Variants in EFHD1 observed in about 807,000 individuals in gnomAD.
EFHD1 encodes the protein EF-hand domain family member D1.
EFHD1 carries 10 observed loss-of-function variants against 17.2 expected under a neutral mutation model. That is an observed-to-expected ratio of 0.58 (90% CI 0.36 to 0.99). EFHD1 has a LOEUF of 0.99. EFHD1 is among the 50% of genes least tolerant of loss of function. The probability of loss-of-function intolerance (pLI) is 0.01; values close to 1 mark genes in which losing one functional copy is unlikely to be tolerated. For synonymous variants in EFHD1, 153 were observed against 142.0 expected (o/e 1.08, Z -0.55); for missense variants, 310 against 327.5 (o/e 0.95, Z 0.41).
At chr2:232,606,463 G>A in intron 1 of EFHD1, 1 of 549,716 alleles carries the variant, frequency 1.8e-6, no homozygotes, top group East Asian at 2.9e-5. Flanking sequence ...GTCCTCCCCT[G>A]GAATGTCAGT....
At chr2:232,624,718 G>A (rs956200580) in intron 1 of EFHD1, among the ~76,000 whole-genome samples, 2 of 152,224 alleles carry the variant, frequency 1.3e-5, no homozygotes, top group African/African-American at 4.8e-5. Context: ...AGACATCCCT[G>A]GAGGAAAGGT....
At chr2:232,655,044 A>C (rs995029776) in intron 1 of EFHD1, among the ~76,000 whole-genome samples, 15 of 152,104 alleles carry the variant, frequency 9.9e-5, no homozygotes, top group African/African-American at 3.6e-4. Flanking sequence ...TCATGTCCCA[A>C]ATGATTGGCG....
At chr2:232,618,750 G>A (rs1013512064) in intron 1 of EFHD1, among the ~76,000 whole-genome samples, 1 of 147,794 alleles carries the variant, frequency 6.8e-6, no homozygotes, top group African/African-American at 2.5e-5. Flanking sequence ...TTGAAAAAAG[G>A]GAAATACATG....
At chr2:232,638,992 C>T (rs765826668) in intron 1 of EFHD1, among the ~76,000 whole-genome samples, 6 of 152,190 alleles carry the variant, frequency 3.9e-5, no homozygotes, top group Non-Finnish European at 8.8e-5. Context: ...TGCCTTGGAA[C>T]TGTGTCTTAG....
chr2:232,642,862 G>A (rs1173889957), intron 1 of EFHD1, among the ~76,000 whole-genome samples: 1 of 152,112 alleles, frequency 6.6e-6, no homozygotes, highest in African/African-American at 2.4e-5. Context: ...TGTGAGAGAC[G>A]ATCTATGCTG....
rs1478685124 is a variant in EFHD1 at position 232,627,050 on chromosome 2, A to C, written c.14+20877A>C. On this transcript the variant is annotated intron_variant, in intron 1 of 3. Coordinates refer to the EFHD1 transcript ENST00000409613. ...TCTCTCTCTCTCTATATATATATAT[A>C]TATATATATATATATTTTTTTTTTT... is the stretch of plus-strand genomic sequence containing the variant. Among the ~76,000 whole-genome samples, 539 of 101,690 alleles carry C rather than the reference A, an allele frequency of 5.3e-3. 7 individuals are homozygous for C. The East Asian group carries it at 0.056, about 11-fold the overall frequency. The allele number at this position is 101,690 out of a possible 152,430, so 66.7% of individuals were successfully genotyped here.
chr2:232,639,800 T>A (rs1437906478), intron 1 of EFHD1, among the ~76,000 whole-genome samples: 1 of 152,180 alleles, frequency 6.6e-6, no homozygotes, highest in African/African-American at 2.4e-5. Flanking sequence ...GGCACTGACA[T>A]CTGGGGTTGG....
intron 1 of EFHD1, among the ~76,000 whole-genome samples, chr2:232,642,925 C>G (rs1304046321): frequency 1.3e-5 from 2 of 152,120 alleles, no homozygotes; most frequent in Non-Finnish European, 2.9e-5. Flanking sequence ...AAAACTCTGC[C>G]CCAAACTCAC....
intron 3 of EFHD1, among the ~76,000 whole-genome samples, chr2:232,677,228 A>T (rs1695191341): frequency 7.1e-6 from 1 of 141,228 alleles, no homozygotes; most frequent in Admixed American, 7.4e-5. Context: ...ACACACACAC[A>T]CACACACACA....
intron 3 of EFHD1, among the ~76,000 whole-genome samples, chr2:232,678,979 T>C (rs79998332): frequency 0.032 from 4,944 of 152,246 alleles, 182 homozygotes; most frequent in East Asian, 0.21. Context: ...TTGCGGTTCA[T>C]AATGTGATGA....
At chr2:232,653,345 C>T (rs564971948) in intron 1 of EFHD1, among the ~76,000 whole-genome samples, 1 of 152,106 alleles carries the variant, frequency 6.6e-6, no homozygotes, top group South Asian at 2.1e-4. Flanking sequence ...GGCTGGAGTG[C>T]AGTGGCATGA....
upstream of EFHD1, chr2:232,633,382 T>C: frequency 9.7e-7 from 1 of 1,026,890 alleles, no homozygotes; most frequent in Non-Finnish European, 1.2e-6. Context: ...GGTCCCTGCC[T>C]GGTCCCGGGG....
chr2:232,661,609 C>T (rs1214581236), intron 1 of EFHD1: 1 of 148,910 alleles, frequency 6.7e-6, no homozygotes, highest in Non-Finnish European at 1.5e-5. Context: ...CTCTGTCACC[C>T]AGCCTGGAGT....
intron 1 of EFHD1, among the ~76,000 whole-genome samples, chr2:232,643,318 G>A (rs1477228226): frequency 6.6e-6 from 1 of 152,164 alleles, no homozygotes; most frequent in Non-Finnish European, 1.5e-5. Flanking sequence ...AGCCAAAACT[G>A]GGTTCTGTTA....
At chr2:232,608,513 G>T (rs1295856255) in intron 1 of EFHD1, among the ~76,000 whole-genome samples, 1 of 152,078 alleles carries the variant, frequency 6.6e-6, no homozygotes. Flanking sequence ...GATTTTTATT[G>T]TTATATTTTT....
At chr2:232,676,091 G>A (rs558752508) in intron 3 of EFHD1, among the ~76,000 whole-genome samples, 3 of 152,092 alleles carry the variant, frequency 2.0e-5, no homozygotes, top group Non-Finnish European at 1.5e-5. Flanking sequence ...CATGAGAATC[G>A]CTTGAACCCA....
chr2:232,670,065 C>A (rs1168159845), intron 2 of EFHD1, among the ~76,000 whole-genome samples: 1 of 152,094 alleles, frequency 6.6e-6, no homozygotes, highest in East Asian at 1.9e-4. Flanking sequence ...AAAAATAAGT[C>A]ATGAAGCTTA....
At chr2:232,673,163 T>G (rs1283739467) in intron 3 of EFHD1, among the ~76,000 whole-genome samples, 1 of 152,186 alleles carries the variant, frequency 6.6e-6, no homozygotes, top group Non-Finnish European at 1.5e-5. Flanking sequence ...CTGTTGCCCT[T>G]CCCAGGGCAC....
At chr2:232,676,649 G>A (rs751604655) in intron 3 of EFHD1, among the ~76,000 whole-genome samples, 8 of 152,142 alleles carry the variant, frequency 5.3e-5, no homozygotes, top group Non-Finnish European at 8.8e-5. Flanking sequence ...GTGCTTCTGG[G>A]CACCTCACAA....
Sources: gnomAD v4.1 joint callset for allele counts (sites outside exome capture counted in the v4.1 genomes callset) on GRCh38, gnomAD v4.1.1 for gene constraint, MANE v1.5 for transcripts, NCBI Gene and HGNC (gene_info 2026-07-23, HGNC 2026-07-21) for gene names.